The following SNTG1 variants were observed in gnomAD, a reference collection of about 807,000 sequenced individuals.
SNTG1 encodes the protein syntrophin gamma 1.
A neutral mutation model predicts 74.7 loss-of-function variants in SNTG1; 39 were observed. The observed-to-expected ratio is 0.52, with a 90% CI of 0.40 to 0.68. The LOEUF is 0.68. SNTG1 is among the 30% of genes least tolerant of loss of function. The pLI, the probability that SNTG1 is intolerant of heterozygous loss-of-function variation, is 0.00. For synonymous variants in SNTG1, 254 were observed against 217.1 expected (o/e 1.17, Z -1.49); for missense variants, 685 against 609.5 (o/e 1.12, Z -1.30).
chr8:50,476,740 G>A (rs1368103056), intron 8 of SNTG1, among the ~76,000 whole-genome samples: 1 of 152,070 alleles, frequency 6.6e-6, no homozygotes, highest in East Asian at 1.9e-4. Context: ...CACTTCAGTG[G>A]AAATGAGCAC....
chr8:50,704,682 T>C lies in SNTG1; in HGVS notation c.1121T>C (p.Leu374Pro). The C allele has an allele frequency of 6.2e-7, 1 of 1,614,112 alleles. No homozygotes were observed. Among genetic ancestry groups the C allele is most frequent in the Non-Finnish European group, 8.5e-7 (1 of 1,180,012 alleles). The change falls in exon 16 of 19, where the codon CTG becomes CCG. Residue 374 changes from leucine to proline, a missense_variant. By Grantham distance (98) the Leu-to-Pro change is moderately conservative. Transcript: ENST00000642720. ...GAGGACCTGTACTTCTCAGTGGAGC[T>C]GGAAAGTGACCTCGCCCAGTGGGAA... ...SGEDLYFSVELESDLAQWERA... is the reference protein window; with the variant it reads ...SGEDLYFSVEPESDLAQWERA...
intron 1 of SNTG1, among the ~76,000 whole-genome samples, chr8:49,974,029 A>G (rs1470570625): frequency 6.6e-6 from 1 of 152,146 alleles, no homozygotes; most frequent in Non-Finnish European, 1.5e-5. Flanking sequence ...CTTTGAATTC[A>G]TTAAGAGTAT....
chr8:50,159,590 A>G (rs1215520044), intron 1 of SNTG1, among the ~76,000 whole-genome samples: 2 of 152,200 alleles, frequency 1.3e-5, no homozygotes, highest in African/African-American at 4.8e-5. Flanking sequence ...TTACTATTTT[A>G]TCATGTTTAT....
chr8:50,186,143 C>G (rs1046440343), intron 2 of SNTG1, among the ~76,000 whole-genome samples: 1 of 152,058 alleles, frequency 6.6e-6, no homozygotes, highest in African/African-American at 2.4e-5. Context: ...TGATGGCTGC[C>G]AGCTTCTTGA....
At chr8:49,995,591 A>C (rs997638316) in intron 1 of SNTG1, among the ~76,000 whole-genome samples, 4 of 152,234 alleles carry the variant, frequency 2.6e-5, no homozygotes, top group African/African-American at 9.6e-5. Context: ...ATTCGGATTT[A>C]TTCAGGTGAG....
At chr8:49,987,550 G>T (rs1294365348) in intron 1 of SNTG1, among the ~76,000 whole-genome samples, 1 of 151,778 alleles carries the variant, frequency 6.6e-6, no homozygotes, top group East Asian at 1.9e-4. Context: ...TTTGAATATA[G>T]TTGTGAAATT....
At chr8:50,084,458 C>CA (rs890788697) in intron 1 of SNTG1, among the ~76,000 whole-genome samples, 11 of 150,994 alleles carry the variant, frequency 7.3e-5, no homozygotes, top group African/African-American at 1.9e-4. Flanking sequence ...GACTCCATCT[C>CA]AAAAAAAATA....
At chr8:50,530,399 C>A in intron 10 of SNTG1, 140 bp downstream of exon 10, 1 of 844,672 alleles carries the variant, frequency 1.2e-6, no homozygotes, top group Non-Finnish European at 1.8e-6. Flanking sequence ...ACAAGAAATG[C>A]AAAATAAATA....
chr8:50,335,470 T>C (rs1455902236), intron 2 of SNTG1, among the ~76,000 whole-genome samples: 2 of 152,220 alleles, frequency 1.3e-5, no homozygotes, highest in South Asian at 2.1e-4. Flanking sequence ...ACATTGGTTA[T>C]AGGAATGAAG....
rs754952780 is a variant in SNTG1, at chr8:50,394,188, C to T, written c.-27-24C>T. On this transcript the variant is annotated intron_variant, in intron 2 of 18. Transcript: ENST00000642720. ...TTACATGCCATGCTGTGCCTAATGG[C>T]TTACCATTTCTGTGTCTTTTCAGAC... 6 of 1,601,458 alleles carry T rather than the reference C, an allele frequency of 3.7e-6. No homozygotes were observed. In the East Asian group the frequency reaches 8.9e-5, roughly 24 times the overall value.
At chr8:50,619,731 G>GA (rs780234473) in intron 13 of SNTG1, among the ~76,000 whole-genome samples, 7,894 of 63,316 alleles carry the variant, frequency 0.12, 796 homozygotes, top group African/African-American at 0.32. Context: ...ACTCCGTCTC[G>GA]AAAAAAAAAA....
At chr8:50,598,623 G>A (rs1012870833) in intron 13 of SNTG1, among the ~76,000 whole-genome samples, 12 of 151,876 alleles carry the variant, frequency 7.9e-5, no homozygotes, top group Non-Finnish European at 1.6e-4. Flanking sequence ...AAATGGCATT[G>A]TCATTTGATA....
At chr8:50,784,297 C>G in intron 18 of SNTG1, among the ~76,000 whole-genome samples, 1 of 152,022 alleles carries the variant, frequency 6.6e-6, no homozygotes, top group Non-Finnish European at 1.5e-5. Context: ...GTAGAATTAT[C>G]CAAGCTTTAT....
rs113642614 is a variant in SNTG1, at chr8:50,113,414, G to A, written c.-102-59147G>A. Among the ~76,000 whole-genome samples the A allele has an allele frequency of 7.2e-5, 11 of 152,260 alleles. 1 individual carries two copies. The highest frequency in any genetic ancestry group is 2.4e-4 in the African/African-American group (10 of 41,552). On this transcript the variant is annotated intron_variant, in intron 1 of 18. Transcript: ENST00000642720. ...TTTATTGGTTTATAAGAATGCTTGT[G>A]ATTTTTGCACATTGATTTTGTATCC...
rs979775343 is a variant in SNTG1 at position 50,793,152 on chromosome 8, A to G, written c.*323A>G. The G allele has an allele frequency of 6.4e-5, 12 of 186,064 alleles. No homozygotes were observed. Among genetic ancestry groups the G allele is most frequent in the Non-Finnish European group, 1.3e-4 (12 of 91,134 alleles). 11.5% of individuals were successfully genotyped at this position (186,064 alleles called of 1,614,324 possible). ...ATAACATAAAAATAGTAAGCTACCT[A>G]TGAATAAAAATACTTATTAAATGAT... On this transcript the variant is annotated 3_prime_UTR_variant, in exon 19 of 19. Transcript: ENST00000642720.
intron 1 of SNTG1, among the ~76,000 whole-genome samples, chr8:49,958,380 A>G (rs959002005): frequency 1.3e-5 from 2 of 152,112 alleles, no homozygotes; most frequent in African/African-American, 2.4e-5. Context: ...GCAGTGTCCT[A>G]CAATTCCAGG....
chr8:50,562,353 C>T (rs2094493342), intron 12 of SNTG1, among the ~76,000 whole-genome samples: 1 of 152,154 alleles, frequency 6.6e-6, no homozygotes, highest in African/African-American at 2.4e-5. Flanking sequence ...ATGTGATTCT[C>T]TACAAGTGTA....
chr8:50,635,151 A>G (rs2095030733), intron 13 of SNTG1, among the ~76,000 whole-genome samples: 1 of 152,188 alleles, frequency 6.6e-6, no homozygotes, highest in Admixed American at 6.5e-5. Flanking sequence ...TGTCATCATC[A>G]AAAGCATATA....
At chr8:50,768,048 T>G (rs915112217) in intron 18 of SNTG1, among the ~76,000 whole-genome samples, 1 of 152,010 alleles carries the variant, frequency 6.6e-6, no homozygotes. Context: ...AGAAATTTGC[T>G]TCTCTATTTA....
Sources: gnomAD v4.1 joint callset for allele counts (sites outside exome capture counted in the v4.1 genomes callset) on GRCh38, gnomAD v4.1.1 for gene constraint, MANE v1.5 for transcripts, NCBI Gene and HGNC (gene_info 2026-07-23, HGNC 2026-07-21) for gene names.